Variants in NRG3 observed in about 807,000 individuals in gnomAD.
The protein encoded by NRG3 is neuregulin 3.
NRG3 carries 31 observed loss-of-function variants against 66.9 expected under a neutral mutation model. That is an observed-to-expected ratio of 0.46 (90% confidence interval 0.35 to 0.63). The LOEUF is 0.63. Among genes scored for constraint, NRG3 ranks in the 20% least tolerant of loss-of-function variants. The pLI, the probability that NRG3 is intolerant of heterozygous loss-of-function variation, is 0.00. For synonymous variants in NRG3, 393 were observed against 359.4 expected (o/e 1.09, Z -1.06); for missense variants, 910 against 878.9 (o/e 1.04, Z -0.45).
intron 1 of NRG3, among the ~76,000 whole-genome samples, chr10:82,155,147 A>T (rs951687690): frequency 6.6e-6 from 1 of 151,826 alleles, no homozygotes; most frequent in African/African-American, 2.4e-5. Context: ...TTATAAAAAC[A>T]CACAGATATA....
chr10:81,885,893 A>G (rs1285673389), intron 1 of NRG3, among the ~76,000 whole-genome samples: 1 of 152,190 alleles, frequency 6.6e-6, no homozygotes, highest in Admixed American at 6.5e-5. Flanking sequence ...TAGAGACACC[A>G]GAATTTTTTA....
Position 82,527,901 on chromosome 10 carries a change from A to G in NRG3, c.953+169033A>G, listed in dbSNP as rs73309855. Among the ~76,000 whole-genome samples the G allele has an allele frequency of 5.6e-5, 7 of 123,984 alleles. No individual in the cohort carries two copies. The East Asian group carries it at 1.4e-3, about 25-fold the overall frequency. 81.3% of individuals were successfully genotyped at this position (123,984 alleles called of 152,430 possible). On this transcript the variant is annotated intron_variant, in intron 2 of 8. Coordinates refer to ENST00000372141, the MANE Select transcript of NRG3 (RefSeq NM_001010848.4). The stretch of plus-strand genomic sequence containing the variant: ...AACAAATTGTCTCAACCTAGATGCT[A>G]TTGACATTTGGACTAGATAATGCTT...
intron 4 of NRG3, among the ~76,000 whole-genome samples, chr10:82,922,416 G>A (rs923253685): frequency 6.6e-6 from 1 of 152,120 alleles, no homozygotes; most frequent in African/African-American, 2.4e-5. Context: ...TTTAGGATAA[G>A]GCTATTTCTT....
intron 4 of NRG3, among the ~76,000 whole-genome samples, chr10:82,918,425 T>G (rs892341962): frequency 2.6e-5 from 4 of 152,180 alleles, no homozygotes; most frequent in African/African-American, 7.2e-5. Context: ...ACAAGGTTAT[T>G]TTGAAGGTTA....
At chr10:82,609,074 G>T (rs1039646556) in intron 2 of NRG3, among the ~76,000 whole-genome samples, 3 of 152,092 alleles carry the variant, frequency 2.0e-5, no homozygotes, top group Admixed American at 2.0e-4. Context: ...TCTATGAAGA[G>T]ATCTCATAAT....
chr10:82,478,802 A>G (rs1257818943), intron 2 of NRG3, among the ~76,000 whole-genome samples: 2 of 152,244 alleles, frequency 1.3e-5, no homozygotes, highest in African/African-American at 4.8e-5. Context: ...ACTTGGAAAT[A>G]ATTAAAAACA....
chr10:82,084,355 T>C (rs2065590463), intron 1 of NRG3, among the ~76,000 whole-genome samples: 1 of 152,186 alleles, frequency 6.6e-6, no homozygotes, highest in South Asian at 2.1e-4. Context: ...ATTTATACTA[T>C]CTTGTATTGT....
At chr10:82,587,967 A>C (rs1454229706) in intron 2 of NRG3, among the ~76,000 whole-genome samples, 1 of 152,200 alleles carries the variant, frequency 6.6e-6, no homozygotes, top group Non-Finnish European at 1.5e-5. Context: ...ATAATTTTAC[A>C]AGTCATATAC....
chr10:81,970,911 G>A (rs929039144), intron 1 of NRG3, among the ~76,000 whole-genome samples: 4 of 152,160 alleles, frequency 2.6e-5, no homozygotes, highest in African/African-American at 9.7e-5. Flanking sequence ...AGGTCAAGGC[G>A]GCTGGATTGC....
chr10:82,416,338 G>A (rs1364917210), intron 2 of NRG3, among the ~76,000 whole-genome samples: 1 of 152,142 alleles, frequency 6.6e-6, no homozygotes, highest in South Asian at 2.1e-4. Context: ...GCAGGAAGAC[G>A]GCACCAAGGA....
chr10:82,109,071 G>A (rs2067226129), intron 1 of NRG3, among the ~76,000 whole-genome samples: 1 of 152,144 alleles, frequency 6.6e-6, no homozygotes, highest in African/African-American at 2.4e-5. Flanking sequence ...ACAGAGCCTG[G>A]CACACAGATG....
chr10:82,928,862 C>A (rs1446569459), intron 4 of NRG3, among the ~76,000 whole-genome samples: 6 of 152,162 alleles, frequency 3.9e-5, no homozygotes, highest in African/African-American at 1.4e-4. Context: ...CCCTCACACT[C>A]CATACCCATT....
intron 1 of NRG3, among the ~76,000 whole-genome samples, chr10:81,959,407 C>G (rs1474046755): frequency 2.0e-5 from 3 of 152,056 alleles, no homozygotes; most frequent in African/African-American, 7.2e-5. Flanking sequence ...GCACCCTATA[C>G]CAATTAACAC....
In NRG3 at chr10:82,555,887, C is replaced by G. The variant is rs570861529; in HGVS notation, c.954-182690C>G. On this transcript the variant is annotated intron_variant, in intron 2 of 8. Coordinates refer to ENST00000372141, the MANE Select transcript of NRG3 (RefSeq NM_001010848.4). ...ATTTCCTGCTACCACCCTATTTCTT[C>G]TACCTGTTGTTTTTCCTATACCAAT... Among the ~76,000 whole-genome samples the G allele has an allele frequency of 2.4e-4, 37 of 152,286 alleles. No individual in the cohort carries two copies. The South Asian group carries it at 7.5e-3, about 31-fold the overall frequency.
intron 2 of NRG3, among the ~76,000 whole-genome samples, chr10:82,658,836 C>T (rs1398138403): frequency 6.6e-6 from 1 of 151,972 alleles, no homozygotes; most frequent in Non-Finnish European, 1.5e-5. Context: ...TGAATTAAAC[C>T]TAGATAAAAC....
In NRG3 at chr10:81,884,702, G is replaced by T. The variant is rs143361259; in HGVS notation, c.823+8539G>T. ...AAATACCAGGCCATTTTATGTAAAAGACATGGGCATCCTAGGATTTTGATA... is the reference window on the plus strand; with the variant it reads ...AAATACCAGGCCATTTTATGTAAAATACATGGGCATCCTAGGATTTTGATA... On this transcript the variant is annotated intron_variant, in intron 1 of 8. Transcript: ENST00000372141. 9.9e-5 allele frequency among the ~76,000 whole-genome samples: 15 copies of T among 152,226 alleles called. No homozygotes were observed. The East Asian group carries it at 2.1e-3, about 22-fold the overall frequency.
intron 1 of NRG3, among the ~76,000 whole-genome samples, chr10:82,060,855 G>C (rs2064104910): frequency 6.6e-6 from 1 of 152,178 alleles, no homozygotes; most frequent in Non-Finnish European, 1.5e-5. Flanking sequence ...GACTGGGCTG[G>C]TTGGTGCGGT....
chr10:82,417,732 T>C (rs1319576722), intron 2 of NRG3, among the ~76,000 whole-genome samples: 1 of 152,128 alleles, frequency 6.6e-6, no homozygotes, highest in African/African-American at 2.4e-5. Context: ...ATGAACACAA[T>C]GAGGCTCCAG....
At chr10:82,120,713 A>ATAAGAT (rs2068030399) in intron 1 of NRG3, among the ~76,000 whole-genome samples, 1 of 152,150 alleles carries the variant, frequency 6.6e-6, no homozygotes, top group East Asian at 1.9e-4. Context: ...GAAAACCAGG[A>ATAAGAT]TAAGATTCTA....
Sources: gnomAD v4.1 joint callset for allele counts (sites outside exome capture counted in the v4.1 genomes callset) on GRCh38, gnomAD v4.1.1 for gene constraint, MANE v1.5 for transcripts, NCBI Gene and HGNC (gene_info 2026-07-23, HGNC 2026-07-21) for gene names.